The following SMC6 variants were observed in gnomAD, a reference collection of about 807,000 sequenced individuals.
SMC6 encodes structural maintenance of chromosomes 6.
SMC6 carries 79 observed loss-of-function variants against 142.2 expected under a neutral mutation model. The observed-to-expected ratio is 0.56, with a 90% confidence interval of 0.46 to 0.67. The LOEUF is 0.67. SMC6 is among the 30% of genes least tolerant of loss of function. The probability of loss-of-function intolerance (pLI) is 0.00; values close to 1 mark genes in which losing one functional copy is unlikely to be tolerated. For synonymous variants in SMC6, 411 were observed against 412.4 expected (o/e 1.00, Z 0.04); for missense variants, 1,072 against 1,284.0 (o/e 0.83, Z 2.52).
At position 17,721,267 on chromosome 2, in the gene SMC6, A is replaced by C; in HGVS notation, c.727-6T>G. ...CGCTTTAGTTCAGTAAGCCGCTTAA[A>C]AAAAGAAAACAGAACGGACGTATTT... On this transcript the variant is annotated splice_polypyrimidine_tract_variant and splice_region_variant and intron_variant, in intron 9 of 27. Coordinates refer to ENST00000448223, the MANE Select transcript of SMC6 (RefSeq NM_001142286.2). The C allele has an allele frequency of 6.4e-7, 1 of 1,565,980 alleles. No homozygotes were observed. The highest frequency in any genetic ancestry group is 2.3e-5 in the East Asian group (1 of 44,180).
In SMC6 at chr2:17,717,193, GAC is replaced by G; in HGVS notation, c.1093-19_1093-18del. ...ATATAAAACCTAACCAAAAAAATTAGACACACTTTACAAAAATGAAAACACAA... is the reference window on the plus strand; with the variant it reads ...ATATAAAACCTAACCAAAAAAATTAGACACTTTACAAAAATGAAAACACAA... On this transcript the variant is annotated intron_variant, in intron 12 of 27. Transcript: ENST00000448223. The G allele has an allele frequency of 6.4e-7, 1 of 1,567,310 alleles. No homozygotes were observed. The highest frequency in any genetic ancestry group is 1.2e-5 in the South Asian group (1 of 85,312).
chr2:17,718,904 T>C (rs1475249599), intron 11 of SMC6, among the ~76,000 whole-genome samples: 1 of 152,204 alleles, frequency 6.6e-6, no homozygotes, highest in African/African-American at 2.4e-5. Context: ...GTCTGCATGT[T>C]AGATTACTCT....
chr2:17,731,177 C>T, intron 6 of SMC6, 38 bp from the exon 7 acceptor site: 1 of 1,437,224 alleles, frequency 7.0e-7, no homozygotes, highest in South Asian at 1.2e-5. Context: ...CAAACTGTTT[C>T]TAGGGCATAA....
chr2:17,703,443 T>A, intron 18 of SMC6, 151 bp from the exon 19 acceptor site: 1 of 617,648 alleles, frequency 1.6e-6, no homozygotes, highest in Non-Finnish European at 2.6e-6. Flanking sequence ...ACCAAGCTAT[T>A]AATCATGAAA....
chr2:17,714,252 A>G (rs934303549), intron 16 of SMC6, among the ~76,000 whole-genome samples: 2 of 151,740 alleles, frequency 1.3e-5, no homozygotes, highest in African/African-American at 2.4e-5. Context: ...CACACGACCA[A>G]GCCTGGCTAT....
At chr2:17,689,508 T>C (rs1667605610) in intron 23 of SMC6, among the ~76,000 whole-genome samples, 1 of 152,214 alleles carries the variant, frequency 6.6e-6, no homozygotes, top group Admixed American at 6.5e-5. Context: ...TTATGAAACC[T>C]ACTTTTGAAT....
intron 23 of SMC6, among the ~76,000 whole-genome samples, chr2:17,684,867 C>T (rs1667379621): frequency 6.6e-6 from 1 of 151,852 alleles, no homozygotes; most frequent in Non-Finnish European, 1.5e-5. Context: ...GAACATTAGA[C>T]AAGTGCTACC....
At chr2:17,697,174 G>A (rs1270276782) in intron 21 of SMC6, among the ~76,000 whole-genome samples, 1 of 151,930 alleles carries the variant, frequency 6.6e-6, no homozygotes, top group African/African-American at 2.4e-5. Context: ...CCAGTCTCAT[G>A]GCGTCTATTC....
intron 25 of SMC6, among the ~76,000 whole-genome samples, chr2:17,675,274 G>GT (rs1666949769): frequency 6.6e-6 from 1 of 152,034 alleles, no homozygotes; most frequent in Non-Finnish European, 1.5e-5. Context: ...CCTTACAACA[G>GT]TTTAGAACTC....
chr2:17,701,388 T>A (rs6721919), intron 20 of SMC6, among the ~76,000 whole-genome samples: 117,569 of 151,506 alleles, frequency 0.78, 47,285 homozygotes, highest in Middle Eastern at 0.92. Context: ...AATGCGTTGA[T>A]TTAAAATGAA....
rs1669106046 is a variant in SMC6 at position 17,716,772 on chromosome 2, C to G, written c.1315G>C (p.Glu439Gln). ...QEIEQFQQAI[E>Q]KDKEEHGKIK... ...TTGCCATGTTCTTCTTTGTCCTTTT[C>G]TATGGCTTGCTGAAACTGTTCGATC... is the stretch of plus-strand genomic sequence containing the variant. Residue 439 changes from glutamate (E) to glutamine (Q), a missense_variant, in exon 14 of 28, where the codon GAA becomes CAA. Around this residue, in one of 3 missense-constraint regions of SMC6, gnomAD observed 994 missense variants for 1,153.2 expected, o/e 0.86. Transcript: ENST00000448223. 1 of 1,611,960 alleles carries G rather than the reference C, an allele frequency of 6.2e-7. No individual in the cohort carries two copies.
chr2:17,729,129 T>C (rs148705645), intron 7 of SMC6, among the ~76,000 whole-genome samples: 1 of 152,288 alleles, frequency 6.6e-6, no homozygotes, highest in East Asian at 1.9e-4. Context: ...ATATTTTTAA[T>C]CAAATATAAC....
chr2:17,707,336 G>A lies in SMC6; in HGVS notation c.1889C>T (p.Pro630Leu). ...ARAVMQSQKP[P>L]KNCREAFTAD... ...AGTAAAAGCTTCTCTACAATTTTTG[G>A]GTGGCTTTTGGGACTGCATTACTGC... The change falls in exon 18 of 28, where the codon CCC (proline) becomes CTC (leucine). Residue 630 changes from proline (P) to leucine (L), a missense_variant. Transcript: ENST00000448223. The A allele has an allele frequency of 1.2e-6, 2 of 1,600,104 alleles. No homozygotes were observed. The highest frequency in any genetic ancestry group is 8.5e-7 in the Non-Finnish European group (1 of 1,173,690).
At chr2:17,697,450 A>G (rs1205782047) in intron 21 of SMC6, among the ~76,000 whole-genome samples, 1 of 152,078 alleles carries the variant, frequency 6.6e-6, no homozygotes, top group African/African-American at 2.4e-5. Flanking sequence ...TTACTATACC[A>G]TGAAAAACAG....
intron 4 of SMC6, among the ~76,000 whole-genome samples, chr2:17,739,675 T>C (rs374263862): frequency 6.6e-6 from 1 of 151,858 alleles, no homozygotes. Flanking sequence ...TAGGAAGGCA[T>C]AGTGGCATGT....
At chr2:17,738,118 G>A in intron 5 of SMC6, 103 bp downstream of exon 5, 2 of 799,292 alleles carry the variant, frequency 2.5e-6, no homozygotes, top group Non-Finnish European at 4.0e-6. Context: ...TCCTGTTCTG[G>A]GAAGGCACTT....
chr2:17,682,278 T>A (rs1448584806), intron 24 of SMC6, among the ~76,000 whole-genome samples: 1 of 152,186 alleles, frequency 6.6e-6, no homozygotes, highest in African/African-American at 2.4e-5. Context: ...CTGAGGGTTT[T>A]CACACTCTGG....
chr2:17,753,381 G>A (rs1671189955), intron 1 of SMC6, among the ~76,000 whole-genome samples: 1 of 152,210 alleles, frequency 6.6e-6, no homozygotes, highest in African/African-American at 2.4e-5. Flanking sequence ...CGGAGCAGAC[G>A]CCAGGTTTCC....
rs562664933 is a variant in SMC6 at position 17,671,012 on chromosome 2, C to A, written c.2911-437G>T. 3.3e-5 allele frequency among the ~76,000 whole-genome samples: 5 copies of A among 151,564 alleles called. No homozygotes were observed. The South Asian group carries it at 1.0e-3, about 32-fold the overall frequency. The stretch of plus-strand genomic sequence containing the variant: ...AAGTAGTTGGGACCACAGGAGTATG[C>A]CACCACGGCCAGCTAATTTTTGTGT... On this transcript the variant is annotated intron_variant, in intron 25 of 27. Coordinates refer to ENST00000448223, the MANE Select transcript of SMC6 (RefSeq NM_001142286.2).
Sources: gnomAD v4.1 joint callset for allele counts (sites outside exome capture counted in the v4.1 genomes callset) on GRCh38, gnomAD v4.1.1 for gene constraint, gnomAD v4.1.1 regional missense constraint, MANE v1.5 for transcripts, NCBI Gene and HGNC (gene_info 2026-07-23, HGNC 2026-07-21) for gene names.